Variants in KCND2 observed in about 807,000 individuals in gnomAD.
KCND2 encodes A-type voltage-gated potassium channel KCND2.
Under a neutral mutation model 54.4 loss-of-function variants are expected in KCND2, and 16 were observed. That is an observed-to-expected ratio of 0.29 (90% CI 0.20 to 0.45). KCND2 has a LOEUF of 0.45. Ranked by LOEUF, KCND2 falls within the 20% of genes least tolerant of loss-of-function variation. KCND2 has a pLI of 1.00. For synonymous variants in KCND2, 317 were observed against 310.7 expected, an observed-to-expected ratio of 1.02 and a Z score of -0.21; for missense variants, 486 against 824.2, an observed-to-expected ratio of 0.59 and a Z score of 5.02.
chr7:120,734,863 G>A (rs1174571357), intron 2 of KCND2, among the ~76,000 whole-genome samples: 1 of 152,112 alleles, frequency 6.6e-6, no homozygotes, highest in African/African-American at 2.4e-5. Flanking sequence ...CACTGGCTTT[G>A]TAGGTAATTC....
At chr7:120,472,956 T>G (rs1309117938) in intron 1 of KCND2, among the ~76,000 whole-genome samples, 1 of 152,156 alleles carries the variant, frequency 6.6e-6, no homozygotes, top group Non-Finnish European at 1.5e-5. Context: ...AAAATAAAAT[T>G]CACCTGTCAA....
intron 1 of KCND2, among the ~76,000 whole-genome samples, chr7:120,718,211 C>T (rs918192282): frequency 3.9e-5 from 6 of 152,104 alleles, no homozygotes; most frequent in Admixed American, 2.0e-4. Context: ...TTTTACAGTA[C>T]CAATGTTTTG....
At chr7:120,482,357 G>A (rs1183423682) in intron 1 of KCND2, among the ~76,000 whole-genome samples, 1 of 152,094 alleles carries the variant, frequency 6.6e-6, no homozygotes, top group African/African-American at 2.4e-5. Context: ...AGATGACACT[G>A]TAGATTTTGG....
At position 120,741,648 on chromosome 7, in the gene KCND2, CT is replaced by C. The variant is rs1792942994; in HGVS notation, c.1374+26del. On this transcript the variant is annotated intron_variant, in intron 3 of 5. Coordinates refer to ENST00000331113, the MANE Select transcript of KCND2 (RefSeq NM_012281.3). ...GCTGCAGGTACAATCAATTACATCT[CT>C]TTTTTTAATGTTCAATTTCTTGGTT... 2.0e-6 allele frequency: 3 copies of C among 1,526,498 alleles called. No individual in the cohort carries two copies. The highest frequency in any genetic ancestry group is 2.7e-6 in the Non-Finnish European group (3 of 1,101,098). The allele number at this position is 1,526,498 out of a possible 1,614,324, so 94.6% of individuals were successfully genotyped here.
rs534900708 is a variant in KCND2, at chr7:120,431,601, G to T, written c.1115+155854G>T. 3.3e-5 allele frequency among the ~76,000 whole-genome samples: 5 copies of T among 152,268 alleles called. No individual in the cohort carries two copies. In the East Asian group the frequency reaches 9.7e-4, roughly 29 times the overall value. On this transcript the variant is annotated intron_variant, in intron 1 of 5. Transcript: ENST00000331113. Reference sequence around the variant, plus strand: ...TTCTTGTGTCAGATGAGAAGGGATAGTTGTTCAGAGCCATTGGAGAAAGGA... The same window carrying T: ...TTCTTGTGTCAGATGAGAAGGGATATTTGTTCAGAGCCATTGGAGAAAGGA...
chr7:120,488,033 A>G (rs2116293614), intron 1 of KCND2, among the ~76,000 whole-genome samples: 1 of 151,942 alleles, frequency 6.6e-6, no homozygotes, highest in South Asian at 2.1e-4. Context: ...AACAAAACAA[A>G]ACAAAAAAAA....
chr7:120,583,716 A>G (rs1164670420), intron 1 of KCND2, among the ~76,000 whole-genome samples: 2 of 150,578 alleles, frequency 1.3e-5, no homozygotes, highest in African/African-American at 5.0e-5. Flanking sequence ...AGCTCCTTCA[A>G]GGTCCTTTGA....
chr7:120,642,288 G>T (rs533104069), intron 1 of KCND2, among the ~76,000 whole-genome samples: 1 of 151,380 alleles, frequency 6.6e-6, no homozygotes, highest in Non-Finnish European at 1.5e-5. Flanking sequence ...GGTGGCTCAC[G>T]CCTGTAATTC....
chr7:120,595,521 ATATATATGTG>A (rs1410973042), intron 1 of KCND2, among the ~76,000 whole-genome samples: 1 of 143,906 alleles, frequency 6.9e-6, no homozygotes, highest in African/African-American at 2.5e-5. Flanking sequence ...ATATATATGT[ATATATATGTG>A]TATATATATG....
intron 1 of KCND2, among the ~76,000 whole-genome samples, chr7:120,601,331 G>A (rs73217293): frequency 0.045 from 6,781 of 152,188 alleles, 258 homozygotes; most frequent in Middle Eastern, 0.068. Context: ...AAAAAACTGG[G>A]AAGGGAACAC....
chr7:120,311,291 C>G (rs1215232314), intron 1 of KCND2, among the ~76,000 whole-genome samples: 1 of 151,850 alleles, frequency 6.6e-6, no homozygotes, highest in African/African-American at 2.4e-5. Flanking sequence ...AGGTATTTTG[C>G]ACAGTTTTGT....
At chr7:120,353,711 A>G (rs1302308902) in intron 1 of KCND2, among the ~76,000 whole-genome samples, 1 of 152,150 alleles carries the variant, frequency 6.6e-6, no homozygotes, top group Admixed American at 6.5e-5. Context: ...CCATAGACCT[A>G]TGGGGGTCTC....
At chr7:120,719,050 A>G (rs145662367) in intron 1 of KCND2, among the ~76,000 whole-genome samples, 387 of 152,266 alleles carry the variant, frequency 2.5e-3, no homozygotes, top group Non-Finnish European at 3.5e-3. Flanking sequence ...CCAACTCCCT[A>G]TAGAAACTAG....
chr7:120,400,587 ATAAT>A (rs1339230973), intron 1 of KCND2, among the ~76,000 whole-genome samples: 1 of 148,102 alleles, frequency 6.8e-6, no homozygotes, highest in East Asian at 1.9e-4. Flanking sequence ...AATAAAGTAA[ATAAT>A]TATTTAATCA....
intron 1 of KCND2, among the ~76,000 whole-genome samples, chr7:120,403,702 C>T (rs984290570): frequency 2.0e-5 from 3 of 151,622 alleles, no homozygotes; most frequent in Admixed American, 6.6e-5. Context: ...ATTAAAACAA[C>T]ATGAAATACA....
intron 1 of KCND2, among the ~76,000 whole-genome samples, chr7:120,412,008 A>G (rs1168327270): frequency 2.6e-5 from 4 of 151,980 alleles, no homozygotes; most frequent in Non-Finnish European, 2.9e-5. Context: ...GTAAGCTTTC[A>G]TTAATATATA....
At chr7:120,321,135 G>T (rs192316597) in intron 1 of KCND2, among the ~76,000 whole-genome samples, 1 of 152,110 alleles carries the variant, frequency 6.6e-6, no homozygotes, top group African/African-American at 2.4e-5. Context: ...TGTAGGCATT[G>T]TATATATATC....
At chr7:120,539,145 T>C (rs891250816) in intron 1 of KCND2, among the ~76,000 whole-genome samples, 1 of 152,196 alleles carries the variant, frequency 6.6e-6, no homozygotes, top group East Asian at 1.9e-4. Context: ...GGGTTGATTA[T>C]AACCAAAAAG....
chr7:120,426,066 T>C (rs1388639640), intron 1 of KCND2, among the ~76,000 whole-genome samples: 5 of 152,152 alleles, frequency 3.3e-5, no homozygotes, highest in African/African-American at 1.2e-4. Context: ...TAATTAATTG[T>C]ATTTTTAAAA....
Sources: gnomAD v4.1 joint callset for allele counts (sites outside exome capture counted in the v4.1 genomes callset) on GRCh38, gnomAD v4.1.1 for gene constraint, MANE v1.5 for transcripts, NCBI Gene and HGNC (gene_info 2026-07-23, HGNC 2026-07-21) for gene names.